BRCA1: variants seen among roughly 807,000 people sequenced by gnomAD.
The protein encoded by BRCA1 is BRCA1 DNA repair associated.
In BRCA1, 140 loss-of-function variants were observed where a neutral mutation model predicts 173.7. The observed-to-expected ratio is 0.81, with a 90% CI of 0.70 to 0.93. The LOEUF (loss-of-function observed/expected upper bound fraction) is 0.93. Among genes scored for constraint, BRCA1 ranks in the 40% least tolerant of loss-of-function variants. The pLI, the probability that BRCA1 is intolerant of heterozygous loss-of-function variation, is 0.00. For missense variants in BRCA1, 1,983 were observed against 2,172.5 expected, an observed-to-expected ratio of 0.91 and a Z score of 1.73; for synonymous variants, 662 against 756.0, an observed-to-expected ratio of 0.88 and a Z score of 2.04.
intron 19 of BRCA1, among the ~76,000 whole-genome samples, chr17:43,053,037 C>T (rs1021388564): frequency 2.4e-4 from 36 of 152,028 alleles, no homozygotes; most frequent in African/African-American, 8.2e-4. Context: ...CCACCACACC[C>T]GGCTAATTTT....
In BRCA1 at chr17:43,071,367, T is replaced by C. The variant is rs2052438199; in HGVS notation, c.4676-129A>G. The C allele has an allele frequency of 1.3e-5, 13 of 1,033,794 alleles. 1 individual carries two copies. The South Asian group carries it at 1.8e-4, about 15-fold the overall frequency. The allele number at this position is 1,033,794 out of a possible 1,614,324, so 64.0% of individuals were successfully genotyped here. On this transcript the variant is annotated intron_variant, in intron 14 of 22. Transcript: ENST00000357654. Reference sequence around the variant, plus strand: ...GAAAAATGGGTACATGAATACAGTGTTGGTGGAAATCCAAAGTAGCTTAGT... The same window carrying C: ...GAAAAATGGGTACATGAATACAGTGCTGGTGGAAATCCAAAGTAGCTTAGT...
intron 3 of BRCA1, among the ~76,000 whole-genome samples, chr17:43,109,378 G>T (rs2154558877): frequency 6.6e-6 from 1 of 152,158 alleles, no homozygotes; most frequent in Middle Eastern, 3.4e-3. Flanking sequence ...ATCCAGAATT[G>T]GATTGTAGCA....
Position 43,094,809 on chromosome 17 carries a change from G to A in BRCA1, c.722C>T (p.Pro241Leu), listed in dbSNP as rs80357351. Residue 241 changes from proline to leucine, a missense_variant, in exon 10 of 23, where the codon CCC becomes CTC. Pro to Leu is a moderately conservative substitution (Grantham distance 98, BLOSUM62 -3). Coordinates refer to ENST00000357654, the MANE Select transcript of BRCA1 (RefSeq NM_007294.4). ...TDVTNTEHHQ[P>L]SNNDLNTTEK... Reference sequence around the variant, plus strand: ...AGTGGTGTTCAAATCATTATTACTGGGTTGATGATGTTCAGTATTTGTTAC... The same window carrying A: ...AGTGGTGTTCAAATCATTATTACTGAGTTGATGATGTTCAGTATTTGTTAC... The A allele has an allele frequency of 5.0e-6, 8 of 1,613,340 alleles. No individual in the cohort carries two copies. Among genetic ancestry groups the A allele is most frequent in the Non-Finnish European group, 5.1e-6 (6 of 1,179,800 alleles).
chr17:43,070,509 C>G (rs2052334493), intron 15 of BRCA1, among the ~76,000 whole-genome samples: 1 of 152,118 alleles, frequency 6.6e-6, no homozygotes, highest in South Asian at 2.1e-4. Flanking sequence ...TAGAGAAATG[C>G]TACTATCTGG....
rs66463208 is a variant in BRCA1 at position 43,100,544 on chromosome 17, ATGTG to A, written c.442-668_442-665del. 1.6e-3 allele frequency among the ~76,000 whole-genome samples: 154 copies of A among 93,604 alleles called. 2 individuals are homozygous for A. Among genetic ancestry groups the A allele is most frequent in the Non-Finnish European group, 2.3e-3 (113 of 48,506 alleles). 61.4% of individuals were successfully genotyped at this position (93,604 alleles called of 152,430 possible). A position where few individuals can be genotyped will look rare whatever the true frequency, so the allele number is the denominator to read the frequency against. On this transcript the variant is annotated intron_variant, in intron 6 of 22. Coordinates refer to ENST00000357654, the MANE Select transcript of BRCA1 (RefSeq NM_007294.4). ...TGTGTGTATATATATATACATATAT[ATGTG>A]TGTGTGTGTGTATATATATATATAA...
At chr17:43,155,509 G>A (rs1418700543) in intron 1 of BRCA1, among the ~76,000 whole-genome samples, 1 of 152,150 alleles carries the variant, frequency 6.6e-6, no homozygotes, top group Non-Finnish European at 1.5e-5. Context: ...GGGATTACAA[G>A]TGTGAGCTAC....
Position 43,093,769 on chromosome 17 carries a change from T to C in BRCA1, c.1762A>G (p.Ser588Gly), listed in dbSNP as rs1169162396. 4.3e-6 allele frequency: 7 copies of C among 1,613,852 alleles called. No homozygotes were observed. The Admixed American group carries it at 1.2e-4, about 27-fold the overall frequency. ...SAFKTKAEPI[S>G]SSISNMELEL... ...AGTTCCATATTGCTTATACTGCTGC[T>C]TATAGGTTCAGCTTTCGTTTTGAAA... The change falls in exon 10 of 23, where the codon AGC becomes GGC. Residue 588 changes from serine (S) to glycine (G), a missense_variant. Ser to Gly is a moderately conservative substitution (Grantham distance 56). Coordinates refer to ENST00000357654, the MANE Select transcript of BRCA1 (RefSeq NM_007294.4).
intron 1 of BRCA1, among the ~76,000 whole-genome samples, chr17:43,135,352 C>T (rs770856236): frequency 1.3e-5 from 2 of 152,240 alleles, no homozygotes; most frequent in Admixed American, 1.3e-4. Flanking sequence ...CTTCCAACTG[C>T]CGTTTGGGAT....
intron 15 of BRCA1, 91 bp from the exon 16 acceptor site, chr17:43,067,786 A>T: frequency 3.1e-6 from 3 of 977,248 alleles, no homozygotes; most frequent in Non-Finnish European, 4.8e-6. Flanking sequence ...ATGTTTACCT[A>T]TGTAGCAATC....
chr17:43,139,606 G>A (rs188691064), intron 1 of BRCA1, among the ~76,000 whole-genome samples: 93 of 152,028 alleles, frequency 6.1e-4, no homozygotes, highest in African/African-American at 2.2e-3. Flanking sequence ...CACCCACCTC[G>A]GCCTCCCAAA....
chr17:43,058,791 T>C (rs550355170), intron 18 of BRCA1, among the ~76,000 whole-genome samples: 5 of 152,162 alleles, frequency 3.3e-5, no homozygotes, highest in Non-Finnish European at 7.3e-5. Flanking sequence ...AAATATACAT[T>C]CAATGCACTA....
chr17:43,098,225 C>T (rs990295327), intron 7 of BRCA1, among the ~76,000 whole-genome samples: 4 of 151,940 alleles, frequency 2.6e-5, no homozygotes, highest in Non-Finnish European at 4.4e-5. Context: ...GAGATGAGGT[C>T]TTGCTATGTT....
Position 43,100,571 on chromosome 17 carries a change from T to A in BRCA1, c.442-691A>T, listed in dbSNP as rs1420437733. ...GTGTGTGTGTGTGTATATATATATA[T>A]AACATATATATAACATATATATATT... On this transcript the variant is annotated intron_variant, in intron 6 of 22. Transcript: ENST00000357654. Among the ~76,000 whole-genome samples the A allele has an allele frequency of 1.9e-4, 17 of 90,622 alleles. 1 individual carries two copies. Among genetic ancestry groups the A allele is most frequent in the African/African-American group, 6.9e-4 (15 of 21,584 alleles). 59.5% of individuals were successfully genotyped at this position (90,622 alleles called of 152,430 possible). A position where few individuals can be genotyped will look rare whatever the true frequency, so the allele number is the denominator to read the frequency against.
chr17:43,078,839 G>A (rs2154098436), intron 12 of BRCA1, among the ~76,000 whole-genome samples: 1 of 152,274 alleles, frequency 6.6e-6, no homozygotes, highest in South Asian at 2.1e-4. Flanking sequence ...AATACAGGGT[G>A]ATAATTGATA....
intron 19 of BRCA1, among the ~76,000 whole-genome samples, chr17:43,056,243 C>A (rs547611609): frequency 6.6e-6 from 1 of 151,386 alleles, no homozygotes; most frequent in Non-Finnish European, 1.5e-5. Flanking sequence ...GCGCAATCTC[C>A]GTTCACTGTA....
chr17:43,072,031 A>C (rs2052471608), intron 14 of BRCA1, among the ~76,000 whole-genome samples: 1 of 151,088 alleles, frequency 6.6e-6, no homozygotes, highest in African/African-American at 2.4e-5. Context: ...AATAAAAATA[A>C]ATAAATAAAT....
chr17:43,126,391 A>G (rs2055875733), upstream of BRCA1, among the ~76,000 whole-genome samples: 2 of 152,184 alleles, frequency 1.3e-5, no homozygotes, highest in Admixed American at 6.5e-5. Flanking sequence ...CCACAGAGAT[A>G]GCGGCAGAGC....
At chr17:43,133,554 C>G (rs2055988988) in intron 1 of BRCA1, among the ~76,000 whole-genome samples, 1 of 152,106 alleles carries the variant, frequency 6.6e-6, no homozygotes. Context: ...TGAGCCCTTC[C>G]TGCGCTGGCC....
At chr17:43,104,361 T>C (rs1369620770) in intron 5 of BRCA1, 100 bp from the exon 6 acceptor site, 5 of 1,311,574 alleles carry the variant, frequency 3.8e-6, no homozygotes, top group Middle Eastern at 2.6e-4. Flanking sequence ...CTCTTTGTTG[T>C]GTTAAGACAA....
Sources: allele counts gnomAD v4.1 joint callset (sites outside exome capture counted in the v4.1 genomes callset), GRCh38; gene constraint gnomAD v4.1.1; transcripts MANE v1.5; gene names NCBI Gene and HGNC (gene_info 2026-07-23, HGNC 2026-07-21).